The following ABCA5 variants were observed in gnomAD, a reference collection of about 807,000 sequenced individuals.
The protein encoded by ABCA5 is cholesterol transporter ABCA5.
Under a neutral mutation model 206.0 loss-of-function variants are expected in ABCA5, and 163 were observed. That is an observed-to-expected ratio of 0.79 (90% CI 0.70 to 0.90). The LOEUF is 0.90. Among genes scored for constraint, ABCA5 ranks in the 40% least tolerant of loss-of-function variants. The pLI, the probability that ABCA5 is intolerant of heterozygous loss-of-function variation, is 0.00. For synonymous variants in ABCA5, 609 were observed against 613.8 expected, an observed-to-expected ratio of 0.99 and a Z score of 0.11; for missense variants, 1,859 against 1,912.9, an observed-to-expected ratio of 0.97 and a Z score of 0.53.
intron 2 of ABCA5, 78 bp from the exon 3 acceptor site, chr17:69,313,374 T>C (rs2075788393): frequency 3.1e-6 from 2 of 640,456 alleles, no homozygotes; most frequent in South Asian, 5.8e-5. Flanking sequence ...GCAAATAATA[T>C]AATACTAAGA....
chr17:69,310,065 GGCA>G (rs1190345845), intron 3 of ABCA5, among the ~76,000 whole-genome samples: 2 of 152,022 alleles, frequency 1.3e-5, no homozygotes, highest in African/African-American at 4.8e-5. Flanking sequence ...ACTAATTTCA[GGCA>G]GCAATAAAAT....
chr17:69,291,382 A>G (rs1262917417), intron 11 of ABCA5, 56 bp from the exon 12 acceptor site: 3 of 1,060,590 alleles, frequency 2.8e-6, no homozygotes, highest in Non-Finnish European at 4.3e-6. Context: ...TCAGCTATGC[A>G]TGATAATTCA....
At chr17:69,256,888 A>G (rs2075089494) in intron 28 of ABCA5, among the ~76,000 whole-genome samples, 1 of 152,102 alleles carries the variant, frequency 6.6e-6, no homozygotes, top group African/African-American at 2.4e-5. Flanking sequence ...AAAAACATGA[A>G]CCTTGCCCTC....
rs185380549 is a variant in ABCA5, at chr17:69,326,084, C to T, written c.-16+968G>A. Among the ~76,000 whole-genome samples, 23 of 152,266 alleles carry T rather than the reference C, an allele frequency of 1.5e-4. No individual in the cohort carries two copies. The East Asian group carries it at 4.4e-3, about 29-fold the overall frequency. ...CAAACACAAAATATACTAAATAAAG[C>T]ACCAGAATTAGGGTCTGGCAGCCCG... On this transcript the variant is annotated intron_variant, in intron 1 of 38. Transcript: ENST00000392676. The surrounding 1 kb of genome is among the most constrained non-coding windows in gnomAD (Gnocchi z 4.8).
intron 1 of ABCA5, among the ~76,000 whole-genome samples, chr17:69,322,073 A>C (rs1351451791): frequency 6.6e-6 from 1 of 152,264 alleles, no homozygotes; most frequent in East Asian, 1.9e-4. Context: ...AATTTATCTT[A>C]AAGTACTGGT....
intron 19 of ABCA5, among the ~76,000 whole-genome samples, chr17:69,275,273 C>T (rs1365045688): frequency 6.6e-6 from 1 of 152,188 alleles, no homozygotes; most frequent in Non-Finnish European, 1.5e-5. Flanking sequence ...TTAATTGCCA[C>T]TGCTGCTCTC....
intron 4 of ABCA5, 129 bp downstream of exon 4, chr17:69,309,133 T>C: frequency 1.6e-6 from 1 of 642,432 alleles, no homozygotes; most frequent in East Asian, 3.3e-5. Context: ...TACTTCTCAG[T>C]TTTCCTATTG....
Position 69,289,302 on chromosome 17 carries a change from A to G in ABCA5, c.1783-6T>C. ...TCTAGTAAAACCTTCTGCACCTGTA[A>G]AAGTAAAGCATGAACAATGTTATTT... On this transcript the variant is annotated splice_polypyrimidine_tract_variant and splice_region_variant and intron_variant, in intron 13 of 38. Transcript: ENST00000392676. 6.5e-7 allele frequency: 1 copy of G among 1,545,120 alleles called. No individual in the cohort carries two copies. Among genetic ancestry groups the G allele is most frequent in the Non-Finnish European group, 8.7e-7 (1 of 1,152,028 alleles).
intron 35 of ABCA5, 104 bp downstream of exon 35, chr17:69,251,643 T>C: frequency 6.9e-7 from 1 of 1,447,096 alleles, no homozygotes; most frequent in African/African-American, 1.4e-5. Flanking sequence ...AACTAAAATA[T>C]TTAACATTTA....
rs1371501776 is a variant in ABCA5 at position 69,286,275 on chromosome 17, C to A, written c.2078G>T (p.Cys693Phe). The A allele has an allele frequency of 1.3e-6, 2 of 1,589,550 alleles. No homozygotes were observed. Among genetic ancestry groups the A allele is most frequent in the Non-Finnish European group, 1.7e-6 (2 of 1,174,178 alleles). Residue 693 changes from cysteine to phenylalanine, a missense_variant, in exon 16 of 39, where the codon TGT becomes TTT. Transcript: ENST00000392676. ...KAVISQGMLKCVGSSMFLKSK... is the reference protein window; with the variant it reads ...KAVISQGMLKFVGSSMFLKSK... ...TTTGAGGAACATTGAAGAACCAACA[C>A]ATTTCAGCATTCCTTGTGATATCAC...
chr17:69,324,183 A>C (rs2075883584), intron 1 of ABCA5, among the ~76,000 whole-genome samples: 1 of 152,250 alleles, frequency 6.6e-6, no homozygotes, highest in African/African-American at 2.4e-5. Context: ...TATGCATCCA[A>C]CATTATGAGG....
intron 11 of ABCA5, among the ~76,000 whole-genome samples, chr17:69,293,886 T>TTTG (rs1567771948): frequency 2.6e-4 from 17 of 64,814 alleles, no homozygotes; most frequent in East Asian, 9.1e-4. Context: ...GTGTGTGTGT[T>TTTG]TGTGTGTGTG....
At position 69,301,271 on chromosome 17, in the gene ABCA5, C is replaced by T. The variant is rs765615012; in HGVS notation, c.1135G>A (p.Asp379Asn). The change falls in exon 9 of 39, where the codon GAT becomes AAT. Residue 379 changes from aspartate to asparagine, a missense_variant. Coordinates refer to ENST00000392676, the MANE Select transcript of ABCA5 (RefSeq NM_172232.4). ...IGIAQVMHLE[D>N]FNEGASFSNL... ...GAAAATGAAGCACCTTCATTAAAAT[C>T]TTCTAAATGCATGACCTGAAAAATA... The T allele has an allele frequency of 1.3e-6, 2 of 1,588,360 alleles. No individual in the cohort carries two copies. The highest frequency in any genetic ancestry group is 2.7e-5 in the African/African-American group (2 of 73,060).
At chr17:69,260,025 CTG>C (rs1314175014) in intron 27 of ABCA5, among the ~76,000 whole-genome samples, 2 of 151,880 alleles carry the variant, frequency 1.3e-5, no homozygotes, top group African/African-American at 4.8e-5. Context: ...TTTTCTGCCT[CTG>C]TATCATTCAT....
Position 69,286,216 on chromosome 17 carries a change from G to A in ABCA5, c.2132+5C>T. 6.2e-7 allele frequency: 1 copy of A among 1,600,498 alleles called. No individual in the cohort carries two copies. On this transcript the variant is annotated splice_donor_5th_base_variant and intron_variant, in intron 16 of 38. Coordinates refer to ENST00000392676, the MANE Select transcript of ABCA5 (RefSeq NM_172232.4). ...TAGAATAATGTCAATAAAAATGAAT[G>A]ATACCTCAGGCGGTAGCCGATCCCC...
intron 3 of ABCA5, among the ~76,000 whole-genome samples, chr17:69,309,870 T>C (rs1334335589): frequency 6.6e-6 from 1 of 151,910 alleles, no homozygotes; most frequent in Non-Finnish European, 1.5e-5. Flanking sequence ...AAGAAGACAA[T>C]TCTTCCAACA....
chr17:69,279,949 T>C (rs1435398507), intron 18 of ABCA5, among the ~76,000 whole-genome samples: 5 of 152,100 alleles, frequency 3.3e-5, no homozygotes, highest in African/African-American at 1.2e-4. Context: ...AACCTAGGCA[T>C]TACCATTCAG....
chr17:69,250,083 T>G, intron 36 of ABCA5, 99 bp from the exon 37 acceptor site: 63 of 732,056 alleles, frequency 8.6e-5, no homozygotes, highest in Non-Finnish European at 1.1e-4. Flanking sequence ...TTAAATTCAA[T>G]AACTTATTTT....
rs1281094939 is a variant in ABCA5 at position 69,245,529 on chromosome 17, T to C, written c.*2008A>G. 1 of 151,952 alleles carries C rather than the reference T, an allele frequency of 6.6e-6. No homozygotes were observed. Among genetic ancestry groups the C allele is most frequent in the Admixed American group, 6.6e-5 (1 of 15,258 alleles). 9.4% of individuals were successfully genotyped at this position (151,952 alleles called of 1,614,324 possible). The stretch of plus-strand genomic sequence containing the variant: ...ACCCTTGTTTTCCTAAGAATTAAGT[T>C]ATATTTCTCCTGAGTCAGATTTTGT... On this transcript the variant is annotated 3_prime_UTR_variant, in exon 39 of 39. Coordinates refer to ENST00000392676, the MANE Select transcript of ABCA5 (RefSeq NM_172232.4).
Sources: gnomAD v4.1 joint callset for allele counts (sites outside exome capture counted in the v4.1 genomes callset) on GRCh38, gnomAD v4.1.1 for gene constraint, Gnocchi (gnomAD v3.1) non-coding constraint, MANE v1.5 for transcripts, NCBI Gene and HGNC (gene_info 2026-07-23, HGNC 2026-07-21) for gene names.